Variants in AMD1 observed in about 807,000 individuals in gnomAD.
AMD1 encodes the protein adenosylmethionine decarboxylase 1.
AMD1 carries 11 observed loss-of-function variants against 40.2 expected under a neutral mutation model. The observed-to-expected ratio is 0.27, with a 90% CI of 0.17 to 0.45. AMD1 has a LOEUF of 0.45. AMD1 is among the 20% of genes least tolerant of loss of function. The pLI is 1.00. For synonymous variants in AMD1, 121 were observed against 130.8 expected (o/e 0.93, Z 0.51); for missense variants, 257 against 410.2 (o/e 0.63, Z 3.23).
chr6:110,883,145 C>T (rs1479769275), intron 1 of AMD1, among the ~76,000 whole-genome samples: 2 of 152,060 alleles, frequency 1.3e-5, no homozygotes, highest in African/African-American at 4.8e-5. Flanking sequence ...TATTTCTCTG[C>T]CATTACAGAA....
the AMD1 span, among the ~76,000 whole-genome samples, chr6:110,822,671 C>A: frequency 1.3e-4 from 20 of 152,064 alleles, no homozygotes; most frequent in African/African-American, 4.8e-4. Context: ...AACATAGATG[C>A]AAAAATCCTC....
chr6:110,882,183 G>A (rs952277541), intron 1 of AMD1, among the ~76,000 whole-genome samples: 6 of 152,192 alleles, frequency 3.9e-5, no homozygotes, highest in Non-Finnish European at 8.8e-5. Context: ...CCAGGCTGGT[G>A]TGCAGTGGCA....
intron 1 of AMD1, among the ~76,000 whole-genome samples, chr6:110,886,553 C>T (rs1393353349): frequency 2.0e-5 from 3 of 152,172 alleles, no homozygotes; most frequent in Admixed American, 6.5e-5. Flanking sequence ...TGATCCACCG[C>T]CTTGGCCTCC....
the AMD1 span, among the ~76,000 whole-genome samples, chr6:110,825,275 C>G: frequency 6.6e-6 from 1 of 152,202 alleles, no homozygotes; most frequent in Non-Finnish European, 1.5e-5. Flanking sequence ...CTCTCTCTTT[C>G]TCTTAACATC....
the AMD1 span, among the ~76,000 whole-genome samples, chr6:110,845,074 C>G: frequency 7.0e-6 from 1 of 142,182 alleles, no homozygotes; most frequent in East Asian, 2.2e-4. Context: ...GTGTCTCACT[C>G]TGTCGCCCAG....
the AMD1 span, among the ~76,000 whole-genome samples, chr6:110,817,607 T>C: frequency 2.0e-5 from 3 of 151,282 alleles, no homozygotes; most frequent in Non-Finnish European, 4.4e-5. Flanking sequence ...AGACCCCGAC[T>C]CAAAAAAAAA....
At chr6:110,869,425 C>T in the AMD1 span, among the ~76,000 whole-genome samples, 1 of 152,144 alleles carries the variant, frequency 6.6e-6, no homozygotes, top group Non-Finnish European at 1.5e-5. Context: ...AGCCACCGCG[C>T]CCAGCCCATT....
intron 8 of AMD1, 77 bp downstream of exon 8, chr6:110,893,142 A>T (rs1786125831): frequency 7.6e-7 from 1 of 1,308,844 alleles, no homozygotes. Context: ...GAGGCCTAAG[A>T]TGTATTCTGA....
In AMD1 at chr6:110,883,518, A is replaced by G. The variant is rs148216718; in HGVS notation, c.111-3987A>G. 4.5e-3 allele frequency among the ~76,000 whole-genome samples: 689 copies of G among 152,334 alleles called. 5 individuals are homozygous for G. Among genetic ancestry groups the G allele is most frequent in the South Asian group, 0.015 (70 of 4,824 alleles). On this transcript the variant is annotated intron_variant, in intron 1 of 8. Transcript: ENST00000368885. ...TTTTGTTTTGTTCTATTCTGCCCCA[A>G]TCCTCTTGTAGGCCTTTAGCAGCTG...
the AMD1 span, among the ~76,000 whole-genome samples, chr6:110,863,509 A>T: frequency 2.6e-4 from 39 of 151,296 alleles, no homozygotes; most frequent in Non-Finnish European, 4.9e-4. Context: ...ATCTGGGATC[A>T]CAGGCGTCTG....
chr6:110,832,051 C>T, the AMD1 span, among the ~76,000 whole-genome samples: 4 of 142,990 alleles, frequency 2.8e-5, no homozygotes, highest in South Asian at 2.2e-4. Context: ...TTCTCTCTGT[C>T]GCCCAGGCTG....
At chr6:110,871,904 T>C (rs1784924394), upstream of AMD1, among the ~76,000 whole-genome samples, 1 of 152,126 alleles carries the variant, frequency 6.6e-6, no homozygotes, top group South Asian at 2.1e-4. Flanking sequence ...AGAAAATGTA[T>C]GTAGAAAAGA....
intron 1 of AMD1, among the ~76,000 whole-genome samples, chr6:110,880,005 G>C (rs559346957): frequency 1.3e-5 from 2 of 151,178 alleles, no homozygotes; most frequent in African/African-American, 4.9e-5. Context: ...ACCCAGGTTC[G>C]AGTGCAGTGG....
chr6:110,890,162 A>T (rs1038616564), intron 3 of AMD1, 92 bp from the exon 4 acceptor site: 12 of 940,100 alleles, frequency 1.3e-5, no homozygotes, highest in Non-Finnish European at 1.9e-5. Flanking sequence ...CGAGTTTTTG[A>T]TATGTGGACA....
chr6:110,815,238 C>G, the AMD1 span: 1 of 1,273,378 alleles, frequency 7.9e-7, no homozygotes, highest in African/African-American at 1.6e-5. Flanking sequence ...CAACAGCCGC[C>G]TCTCGCGCGC....
the AMD1 span, among the ~76,000 whole-genome samples, chr6:110,866,933 C>G: frequency 1.3e-5 from 2 of 152,042 alleles, no homozygotes; most frequent in Non-Finnish European, 2.9e-5. Flanking sequence ...CCTGCCTCAG[C>G]CTCCCGAGTA....
chr6:110,836,473 G>A, the AMD1 span, among the ~76,000 whole-genome samples: 1 of 152,086 alleles, frequency 6.6e-6, no homozygotes, highest in Non-Finnish European at 1.5e-5. Context: ...ATAGATAACA[G>A]AGTCACTAAA....
the AMD1 span, among the ~76,000 whole-genome samples, chr6:110,816,216 A>G: frequency 2.0e-5 from 3 of 152,228 alleles, no homozygotes; most frequent in African/African-American, 7.2e-5. Context: ...TCCCATAACC[A>G]GGCTTTGGCC....
chr6:110,855,065 CTTTTTTTT>C, the AMD1 span, among the ~76,000 whole-genome samples: 11 of 80,466 alleles, frequency 1.4e-4, no homozygotes, highest in Non-Finnish European at 9.3e-5. Flanking sequence ...CTCTCTCTCT[CTTTTTTTT>C]TTTTTTTTTT....
Sources: allele counts gnomAD v4.1 joint callset (sites outside exome capture counted in the v4.1 genomes callset), GRCh38; gene constraint gnomAD v4.1.1; transcripts MANE v1.5; gene names NCBI Gene and HGNC (gene_info 2026-07-23, HGNC 2026-07-21).